The following PTPRD variants were observed in gnomAD, a reference collection of about 807,000 sequenced individuals.
PTPRD encodes the protein protein tyrosine phosphatase receptor type D, also known as receptor-type tyrosine-protein phosphatase delta.
PTPRD carries 34 observed loss-of-function variants against 214.5 expected under a neutral mutation model. That is an observed-to-expected ratio of 0.16 (90% CI 0.12 to 0.21). The LOEUF is 0.21. PTPRD is among the 10% of genes least tolerant of loss of function. PTPRD has a pLI of 1.00. For synonymous variants in PTPRD, 1,128 were observed against 845.7 expected (o/e 1.33, Z -5.79); for missense variants, 2,545 against 2,398.7 (o/e 1.06, Z -1.27).
At chr9:9,339,210 G>A (rs887552774) in intron 9 of PTPRD, among the ~76,000 whole-genome samples, 1 of 152,064 alleles carries the variant, frequency 6.6e-6, no homozygotes, top group Non-Finnish European at 1.5e-5. Context: ...AGGCGCGGTG[G>A]CTCATGCCCG....
chr9:8,798,320 T>G (rs1455564520), intron 11 of PTPRD, among the ~76,000 whole-genome samples: 1 of 152,156 alleles, frequency 6.6e-6, no homozygotes, highest in Non-Finnish European at 1.5e-5. Context: ...ATAATCAAGA[T>G]AATCATCACT....
At chr9:10,432,505 C>T (rs1416171662) in intron 2 of PTPRD, among the ~76,000 whole-genome samples, 1 of 151,744 alleles carries the variant, frequency 6.6e-6, no homozygotes, top group Non-Finnish European at 1.5e-5. Context: ...TTCTCCTTTT[C>T]CCTCAACACT....
chr9:8,735,026 C>CG (rs1482167192), intron 11 of PTPRD, among the ~76,000 whole-genome samples: 1 of 151,946 alleles, frequency 6.6e-6, no homozygotes, highest in Non-Finnish European at 1.5e-5. Context: ...TCAGCATGCA[C>CG]GGGGCCCCCT....
chr9:10,125,947 C>T (rs1349217229), intron 3 of PTPRD, among the ~76,000 whole-genome samples: 1 of 151,834 alleles, frequency 6.6e-6, no homozygotes, highest in East Asian at 1.9e-4. Flanking sequence ...ACTAAAAATG[C>T]ATAAATAATT....
chr9:8,524,728 T>C, intron 18 of PTPRD, 197 bp downstream of exon 18: 1 of 720,268 alleles, frequency 1.4e-6, no homozygotes, highest in South Asian at 1.5e-5. Context: ...CAGGACAGAT[T>C]ATACTCAAGA....
chr9:8,785,254 A>C (rs1050230054), intron 11 of PTPRD, among the ~76,000 whole-genome samples: 1 of 152,192 alleles, frequency 6.6e-6, no homozygotes, highest in Non-Finnish European at 1.5e-5. Context: ...AAAAAACACT[A>C]ATCAATGAAA....
chr9:10,238,886 T>G (rs1028523162), intron 3 of PTPRD, among the ~76,000 whole-genome samples: 1 of 151,918 alleles, frequency 6.6e-6, no homozygotes, highest in African/African-American at 2.4e-5. Flanking sequence ...AGGGGAGATT[T>G]TGAAAACCTG....
chr9:8,567,493 G>A (rs1159824690), intron 14 of PTPRD, among the ~76,000 whole-genome samples: 1 of 152,172 alleles, frequency 6.6e-6, no homozygotes, highest in East Asian at 1.9e-4. Context: ...ATCTGGGAAA[G>A]CACGTCTTCT....
intron 11 of PTPRD, among the ~76,000 whole-genome samples, chr9:8,771,894 C>A (rs1293273692): frequency 1.3e-5 from 2 of 151,648 alleles, no homozygotes; most frequent in African/African-American, 2.4e-5. Flanking sequence ...CAGTGTACCT[C>A]ACGCAGAAAA....
chr9:9,603,638 G>C (rs1536422), intron 7 of PTPRD, among the ~76,000 whole-genome samples: 19,523 of 151,812 alleles, frequency 0.13, 1,631 homozygotes, highest in Non-Finnish European at 0.18. Flanking sequence ...GCATGTGTGA[G>C]GGATCTGAGT....
chr9:9,937,488 C>T (rs137978954), intron 5 of PTPRD, among the ~76,000 whole-genome samples: 9 of 150,464 alleles, frequency 6.0e-5, no homozygotes, highest in African/African-American at 2.2e-4. Context: ...AAATTTTATA[C>T]AAGTATATAT....
At chr9:10,109,821 T>C (rs1264436358) in intron 3 of PTPRD, among the ~76,000 whole-genome samples, 1 of 152,102 alleles carries the variant, frequency 6.6e-6, no homozygotes, top group African/African-American at 2.4e-5. Context: ...ACTATCTGGT[T>C]ATATATTTTT....
At chr9:8,481,858 C>G (rs925187328) in intron 30 of PTPRD, among the ~76,000 whole-genome samples, 1 of 152,220 alleles carries the variant, frequency 6.6e-6, no homozygotes, top group African/African-American at 2.4e-5. Flanking sequence ...TCTTGACTCA[C>G]TGTAATCTCC....
chr9:10,356,227 C>CAAGA (rs1339481064), intron 2 of PTPRD, among the ~76,000 whole-genome samples: 2 of 151,414 alleles, frequency 1.3e-5, no homozygotes, highest in African/African-American at 4.9e-5. Flanking sequence ...ATATTAGCAA[C>CAAGA]AAGAAGTAAA....
At chr9:9,978,306 G>A (rs540508708) in intron 4 of PTPRD, among the ~76,000 whole-genome samples, 5 of 151,990 alleles carry the variant, frequency 3.3e-5, no homozygotes, top group Admixed American at 1.3e-4. Context: ...TAGTAAAAAA[G>A]GTGGAGAACA....
chr9:9,577,110 T>C (rs1456717164), intron 7 of PTPRD, among the ~76,000 whole-genome samples: 1 of 152,170 alleles, frequency 6.6e-6, no homozygotes, highest in Non-Finnish European at 1.5e-5. Context: ...AGAAATGATA[T>C]TCAAAGTATT....
At chr9:9,803,902 G>A (rs76081841) in intron 5 of PTPRD, 1 of 152,100 alleles carries the variant, frequency 6.6e-6, no homozygotes, top group South Asian at 2.1e-4. Flanking sequence ...GCATACAAGA[G>A]ATCTAGATTT....
chr9:9,927,040 G>T (rs527662274), intron 5 of PTPRD, among the ~76,000 whole-genome samples: 1 of 152,198 alleles, frequency 6.6e-6, no homozygotes, highest in South Asian at 2.1e-4. Flanking sequence ...TATTTTATAT[G>T]CCTTAGGAGA....
At chr9:8,870,763 T>C (rs2098284693) in intron 11 of PTPRD, among the ~76,000 whole-genome samples, 1 of 148,646 alleles carries the variant, frequency 6.7e-6, no homozygotes, top group African/African-American at 2.5e-5. Context: ...GCTGGCTCTT[T>C]TGGCCTTAAG....
Sources: allele counts gnomAD v4.1 joint callset (sites outside exome capture counted in the v4.1 genomes callset), GRCh38; gene constraint gnomAD v4.1.1; transcripts MANE v1.5; gene names NCBI Gene and HGNC (gene_info 2026-07-23, HGNC 2026-07-21).